The following PTPRD variants were observed in gnomAD, a reference collection of about 807,000 sequenced individuals.
The protein encoded by PTPRD is receptor-type tyrosine-protein phosphatase delta.
In PTPRD, 34 loss-of-function variants were observed where a neutral mutation model predicts 214.5. The ratio of observed to expected loss-of-function variants is 0.16; its 90% CI spans 0.12 to 0.21. The LOEUF (loss-of-function observed/expected upper bound fraction) is 0.21. Ranked by LOEUF, PTPRD falls within the 10% of genes least tolerant of loss-of-function variation. PTPRD has a pLI of 1.00. For synonymous variants in PTPRD, 1,128 were observed against 845.7 expected, an observed-to-expected ratio of 1.33 and a Z score of -5.79; for missense variants, 2,545 against 2,398.7, an observed-to-expected ratio of 1.06 and a Z score of -1.27.
intron 37 of PTPRD, among the ~76,000 whole-genome samples, chr9:8,382,605 C>T (rs1188240430): frequency 6.6e-6 from 1 of 152,180 alleles, no homozygotes; most frequent in African/African-American, 2.4e-5. Context: ...TCTCTTTTAT[C>T]TGACGCTGTG....
intron 3 of PTPRD, among the ~76,000 whole-genome samples, chr9:10,079,699 A>T (rs1188331963): frequency 3.3e-5 from 5 of 152,100 alleles, no homozygotes; most frequent in Non-Finnish European, 5.9e-5. Flanking sequence ...CACAGCTGTA[A>T]ATCTTCGTGC....
In PTPRD at chr9:9,375,309, A is replaced by G. The variant is rs141788155; in HGVS notation, c.-203+22140T>C. Among the ~76,000 whole-genome samples, 12 of 152,268 alleles carry G rather than the reference A, an allele frequency of 7.9e-5. No individual in the cohort carries two copies. The East Asian group carries it at 2.3e-3, about 29-fold the overall frequency. Reference sequence around the variant, plus strand: ...AAATATGATTCTGCCTTAAAAAAGAATGAAAATGGCTGGGCGCAGTGGCTC... The same window carrying G: ...AAATATGATTCTGCCTTAAAAAAGAGTGAAAATGGCTGGGCGCAGTGGCTC... On this transcript the variant is annotated intron_variant, in intron 9 of 45. Coordinates refer to ENST00000381196, the MANE Select transcript of PTPRD (RefSeq NM_002839.4).
rs115995418 is a variant in PTPRD at position 9,709,844 on chromosome 9, C to T, written c.-287+24689G>A. Reference sequence around the variant, plus strand: ...GATATTCCATTACAGATTGATTTCTCTATGTATACGTATGTATGAATATGC... The same window carrying T: ...GATATTCCATTACAGATTGATTTCTTTATGTATACGTATGTATGAATATGC... On this transcript the variant is annotated intron_variant, in intron 7 of 45. Coordinates refer to ENST00000381196, the MANE Select transcript of PTPRD (RefSeq NM_002839.4). Among the ~76,000 whole-genome samples the T allele has an allele frequency of 2.7e-3, 405 of 152,128 alleles. 5 individuals are homozygous for T. Among genetic ancestry groups the T allele is most frequent in the African/African-American group, 9.3e-3 (386 of 41,550 alleles).
chr9:9,834,901 A>T (rs73641378), intron 5 of PTPRD, among the ~76,000 whole-genome samples: 18 of 152,214 alleles, frequency 1.2e-4, no homozygotes, highest in African/African-American at 4.3e-4. Flanking sequence ...TCCTCTGGTC[A>T]AAGTAAATAA....
intron 10 of PTPRD, among the ~76,000 whole-genome samples, chr9:9,025,683 T>C (rs1467117260): frequency 1.3e-5 from 2 of 151,956 alleles, no homozygotes; most frequent in East Asian, 1.9e-4. Flanking sequence ...AAGGAAGATA[T>C]TGTAATGGAA....
At chr9:10,456,014 C>A (rs2098914061) in intron 2 of PTPRD, among the ~76,000 whole-genome samples, 1 of 151,636 alleles carries the variant, frequency 6.6e-6, no homozygotes, top group Non-Finnish European at 1.5e-5. Context: ...TAAGCCAACC[C>A]AAAATTGTTT....
chr9:9,522,709 T>C (rs1013734424), intron 8 of PTPRD, among the ~76,000 whole-genome samples: 1 of 152,186 alleles, frequency 6.6e-6, no homozygotes, highest in African/African-American at 2.4e-5. Flanking sequence ...AAAAGGCTTT[T>C]ACTGGAGAGT....
chr9:9,602,809 C>G (rs1442490070), intron 7 of PTPRD, among the ~76,000 whole-genome samples: 1 of 151,926 alleles, frequency 6.6e-6, no homozygotes, highest in Non-Finnish European at 1.5e-5. Context: ...ATAATGAGGC[C>G]TACGATGCCA....
At chr9:9,848,663 G>C (rs916726897) in intron 5 of PTPRD, among the ~76,000 whole-genome samples, 1 of 152,016 alleles carries the variant, frequency 6.6e-6, no homozygotes, top group South Asian at 2.1e-4. Context: ...ACATGTTAAA[G>C]AGATTTAGAA....
chr9:10,484,535 C>T (rs2099120336), intron 2 of PTPRD, among the ~76,000 whole-genome samples: 1 of 151,984 alleles, frequency 6.6e-6, no homozygotes, highest in Non-Finnish European at 1.5e-5. Flanking sequence ...TCTCCATATC[C>T]TTGTTGAGTA....
chr9:10,321,007 G>A (rs1449239591), intron 3 of PTPRD, among the ~76,000 whole-genome samples: 1 of 151,992 alleles, frequency 6.6e-6, no homozygotes, highest in African/African-American at 2.4e-5. Context: ...TTACAGATGT[G>A]AGCCACTACG....
chr9:8,623,263 G>C (rs2095878214), intron 14 of PTPRD, among the ~76,000 whole-genome samples: 3 of 151,890 alleles, frequency 2.0e-5, no homozygotes, highest in South Asian at 4.1e-4. Flanking sequence ...TCTAGTCTAA[G>C]CATGCAACTA....
intron 33 of PTPRD, among the ~76,000 whole-genome samples, chr9:8,455,735 G>C (rs2096170944): frequency 6.6e-6 from 1 of 152,084 alleles, no homozygotes; most frequent in African/African-American, 2.4e-5. Flanking sequence ...TAGTGTGCCA[G>C]GTTAAAAAGA....
intron 3 of PTPRD, among the ~76,000 whole-genome samples, chr9:10,317,480 C>A (rs755579471): frequency 1.3e-5 from 2 of 151,772 alleles, no homozygotes; most frequent in Non-Finnish European, 1.5e-5. Context: ...AGTATAATGC[C>A]TGGAAACTAG....
At chr9:8,416,542 G>C (rs2093951769) in intron 35 of PTPRD, among the ~76,000 whole-genome samples, 1 of 152,162 alleles carries the variant, frequency 6.6e-6, no homozygotes, top group Non-Finnish European at 1.5e-5. Flanking sequence ...AGAAGGAGCA[G>C]ACTGTAGGAC....
At chr9:10,518,155 T>A (rs1158315149) in intron 2 of PTPRD, among the ~76,000 whole-genome samples, 4 of 152,296 alleles carry the variant, frequency 2.6e-5, no homozygotes, top group African/African-American at 9.6e-5. Flanking sequence ...TGTGTACTGA[T>A]CACCTGACAA....
At chr9:9,395,437 C>G (rs1437622120) in intron 9 of PTPRD, among the ~76,000 whole-genome samples, 1 of 152,060 alleles carries the variant, frequency 6.6e-6, no homozygotes, top group African/African-American at 2.4e-5. Context: ...GTCTAACTAG[C>G]CTTTTCGACT....
intron 3 of PTPRD, among the ~76,000 whole-genome samples, chr9:10,171,554 T>A (rs180950290): frequency 2.5e-3 from 386 of 152,296 alleles, no homozygotes; most frequent in Non-Finnish European, 4.4e-3. Context: ...AGACAGACTC[T>A]CGCTCTGTCT....
At chr9:10,551,702 T>A (rs547088752) in intron 2 of PTPRD, among the ~76,000 whole-genome samples, 20 of 152,304 alleles carry the variant, frequency 1.3e-4, no homozygotes, top group African/African-American at 4.6e-4. Context: ...AGTTACCCAG[T>A]CTATGGCATT....
Sources: allele counts gnomAD v4.1 joint callset (sites outside exome capture counted in the v4.1 genomes callset), GRCh38; gene constraint gnomAD v4.1.1; transcripts MANE v1.5; gene names NCBI Gene and HGNC (gene_info 2026-07-23, HGNC 2026-07-21).